MTUS2: variants seen among roughly 807,000 people sequenced by gnomAD.
The protein encoded by MTUS2 is microtubule-associated tumor suppressor candidate 2.
Under a neutral mutation model 114.1 loss-of-function variants are expected in MTUS2, and 40 were observed. The observed-to-expected ratio is 0.35, with a 90% CI of 0.27 to 0.46. MTUS2 has a LOEUF of 0.46. Among genes scored for constraint, MTUS2 ranks in the 20% least tolerant of loss-of-function variants. The pLI is 1.00. For synonymous variants in MTUS2, 688 were observed against 672.0 expected, an observed-to-expected ratio of 1.02 and a Z score of -0.37; for missense variants, 1,679 against 1,705.4, an observed-to-expected ratio of 0.98 and a Z score of 0.27.
Position 29,250,649 on chromosome 13 carries a change from G to A in MTUS2, c.2645-31055G>A, listed in dbSNP as rs1165736232. ...CTCTCCGCATTTCACAGGGGAGAGG[G>A]AATGATTTTGATTCTATGCTTTCAG... On this transcript the variant is annotated intron_variant, in intron 5 of 15. Transcript: ENST00000612955. 3.3e-5 allele frequency: 5 copies of A among 152,092 alleles called. No homozygotes were observed. The East Asian group carries it at 9.7e-4, about 29-fold the overall frequency. The allele number at this position is 152,092 out of a possible 1,614,324, so 9.4% of individuals were successfully genotyped here.
intron 2 of MTUS2, among the ~76,000 whole-genome samples, chr13:28,919,401 C>G (rs1344099576): frequency 6.6e-6 from 1 of 152,098 alleles, no homozygotes; most frequent in African/African-American, 2.4e-5. Flanking sequence ...ATGCCACTCT[C>G]TCTCGCCCTG....
intron 9 of MTUS2, among the ~76,000 whole-genome samples, chr13:29,478,023 T>G (rs951106759): frequency 2.0e-5 from 3 of 152,190 alleles, no homozygotes; most frequent in Admixed American, 6.5e-5. Flanking sequence ...ATAAGCTCAA[T>G]GGGATAAGAA....
rs533342793 is a variant in MTUS2, at chr13:29,025,234, G to C, written c.536G>C (p.Arg179Thr). The change falls in exon 3 of 16, where the codon AGA becomes ACA. Residue 179 changes from arginine to threonine, a missense_variant. Transcript: ENST00000612955. The part of the protein sequence containing the change: ...NEELRRHSLE[R>T]ASSSVAAVGS... Reference sequence around the variant, plus strand: ...GAACTGAGGAGGCATTCTTTGGAAAGAGCAAGCAGCTCTGTAGCTGCAGTC... The same window carrying C: ...GAACTGAGGAGGCATTCTTTGGAAACAGCAAGCAGCTCTGTAGCTGCAGTC... The C allele has an allele frequency of 3.1e-6, 5 of 1,614,002 alleles. No homozygotes were observed. The highest frequency in any genetic ancestry group is 4.5e-5 in the East Asian group (2 of 44,874).
chr13:28,949,885 A>G (rs184689129), intron 2 of MTUS2, among the ~76,000 whole-genome samples: 2 of 152,350 alleles, frequency 1.3e-5, no homozygotes, highest in Admixed American at 6.5e-5. Flanking sequence ...CATTTTGGCT[A>G]TTGTGACTAA....
At chr13:29,334,335 T>C (rs575292290) in intron 7 of MTUS2, among the ~76,000 whole-genome samples, 14 of 152,312 alleles carry the variant, frequency 9.2e-5, no homozygotes, top group African/African-American at 3.1e-4. Flanking sequence ...TTTTTGCAGT[T>C]GCTGGTACCG....
At chr13:29,327,542 T>C (rs945961564) in intron 7 of MTUS2, among the ~76,000 whole-genome samples, 1 of 152,260 alleles carries the variant, frequency 6.6e-6, no homozygotes, top group Non-Finnish European at 1.5e-5. Context: ...ATAATTTAGA[T>C]TCATCCATCT....
chr13:28,992,704 A>C (rs560280671), intron 2 of MTUS2, among the ~76,000 whole-genome samples: 1 of 152,308 alleles, frequency 6.6e-6, no homozygotes, highest in Admixed American at 6.5e-5. Context: ...AATGAGTCCT[A>C]GTTGCTCATA....
chr13:29,291,734 C>A (rs1252020901), intron 6 of MTUS2, among the ~76,000 whole-genome samples: 1 of 152,142 alleles, frequency 6.6e-6, no homozygotes, highest in Non-Finnish European at 1.5e-5. Context: ...GAGGGAGAGG[C>A]CTTCATTTTG....
intron 12 of MTUS2, among the ~76,000 whole-genome samples, chr13:29,495,181 CAAAAAA>C (rs71090260): frequency 6.6e-5 from 2 of 30,078 alleles, no homozygotes; most frequent in East Asian, 1.1e-3. Context: ...AACTCCGTCT[CAAAAAA>C]AAAAAAAAAA....
chr13:29,281,902 G>A (rs760567593), intron 6 of MTUS2, 37 bp downstream of exon 6: 7 of 1,531,992 alleles, frequency 4.6e-6, no homozygotes, highest in Non-Finnish European at 6.2e-6. Context: ...CCATGGTGGA[G>A]TGCCCTTTCT....
intron 2 of MTUS2, among the ~76,000 whole-genome samples, chr13:28,861,698 CTTGG>C (rs1282449919): frequency 6.6e-6 from 1 of 152,084 alleles, no homozygotes; most frequent in African/African-American, 2.4e-5. Flanking sequence ...ATGGTAGGCA[CTTGG>C]TTGGTACTTA....
At chr13:29,007,036 G>A (rs760342285) in intron 2 of MTUS2, among the ~76,000 whole-genome samples, 8 of 152,130 alleles carry the variant, frequency 5.3e-5, no homozygotes, top group South Asian at 2.1e-4. Context: ...CAGCAAGAAC[G>A]TCCAATCTGT....
chr13:29,256,587 A>C (rs1256680173), intron 5 of MTUS2, among the ~76,000 whole-genome samples: 1 of 152,276 alleles, frequency 6.6e-6, no homozygotes, highest in Non-Finnish European at 1.5e-5. Context: ...CACTGAGGTC[A>C]TTGTGAACAA....
intron 9 of MTUS2, among the ~76,000 whole-genome samples, chr13:29,445,725 G>A (rs1311279363): frequency 2.7e-5 from 4 of 149,380 alleles, no homozygotes; most frequent in South Asian, 2.1e-4. Flanking sequence ...TGGCCATGGC[G>A]AACCCCATCT....
intron 3 of MTUS2, 23 bp from the exon 4 acceptor site, chr13:29,033,862 G>C (rs1470182522): frequency 3.1e-6 from 5 of 1,613,004 alleles, no homozygotes; most frequent in Non-Finnish European, 3.4e-6. Context: ...GTCTCTGATT[G>C]AGTTTTTGTT....
At chr13:28,895,849 T>C (rs1467258536) in intron 2 of MTUS2, among the ~76,000 whole-genome samples, 1 of 152,198 alleles carries the variant, frequency 6.6e-6, no homozygotes, top group South Asian at 2.1e-4. Context: ...TTTCACATAC[T>C]CATTTGCCAA....
At position 28,905,737 on chromosome 13, in the gene MTUS2, A is replaced by C. The variant is rs1322191753; in HGVS notation, c.-243+65887A>C. Reference sequence around the variant, plus strand: ...TCTCTTTTTTTGTTGTGTCTCTGCCAGGCTTTGGTATCAGGATGATGCTGG... The same window carrying C: ...TCTCTTTTTTTGTTGTGTCTCTGCCCGGCTTTGGTATCAGGATGATGCTGG... On this transcript the variant is annotated intron_variant, in intron 2 of 15. Coordinates refer to ENST00000612955, the MANE Select transcript of MTUS2 (RefSeq NM_001033602.4). 1.3e-3 allele frequency among the ~76,000 whole-genome samples: 197 copies of C among 149,714 alleles called. 6 individuals carry two copies. The highest frequency in any genetic ancestry group is 4.5e-3 in the African/African-American group (180 of 40,426).
chr13:28,942,535 C>G (rs1221945786), intron 2 of MTUS2, among the ~76,000 whole-genome samples: 1 of 152,136 alleles, frequency 6.6e-6, no homozygotes, highest in Non-Finnish European at 1.5e-5. Context: ...GACCAGTATT[C>G]CTAACAGCTC....
chr13:29,339,629 A>G, intron 7 of MTUS2: 1 of 163,976 alleles, frequency 6.1e-6, no homozygotes, highest in South Asian at 1.5e-4. Context: ...CATGTAGGCC[A>G]GGTGAGCCTC....
Sources: gnomAD v4.1 joint callset for allele counts (sites outside exome capture counted in the v4.1 genomes callset) on GRCh38, gnomAD v4.1.1 for gene constraint, MANE v1.5 for transcripts, NCBI Gene and HGNC (gene_info 2026-07-23, HGNC 2026-07-21) for gene names.